Variants in NACC1 observed in about 807,000 individuals in gnomAD.
NACC1 encodes the protein nucleus accumbens-associated protein 1.
NACC1 carries 6 observed loss-of-function variants against 41.7 expected under a neutral mutation model. The ratio of observed to expected loss-of-function variants is 0.14; its 90% CI spans 0.08 to 0.28. The LOEUF (loss-of-function observed/expected upper bound fraction) is 0.28. NACC1 is among the 10% of genes least tolerant of loss of function. NACC1 has a pLI of 1.00. For missense variants in NACC1, 434 were observed against 763.7 expected (o/e 0.57, Z 5.09); for synonymous variants, 338 against 330.6 (o/e 1.02, Z -0.24).
chr19:13,137,470 GC>G lies in NACC1; in HGVS notation c.1227-3del, dbSNP rs1220767348. On this transcript the variant is annotated splice_polypyrimidine_tract_variant and splice_region_variant and intron_variant, in intron 4 of 5. Coordinates refer to ENST00000292431, the MANE Select transcript of NACC1 (RefSeq NM_052876.4). This position sits in a 1 kb window ranked among gnomAD's most constrained non-coding sequence, Gnocchi z 6.1. Reference sequence around the variant, plus strand: ...AGCGCTGACTCCCTCCATGTCCCCTGCCCCCAGGAACACGCTGGCCAACAGC... The same window carrying G: ...AGCGCTGACTCCCTCCATGTCCCCTGCCCCAGGAACACGCTGGCCAACAGC... 6.2e-7 allele frequency: 1 copy of G among 1,607,776 alleles called. No individual in the cohort carries two copies. Among genetic ancestry groups the G allele is most frequent in the East Asian group, 2.3e-5 (1 of 44,172 alleles).
chr19:13,118,978 G>C (rs1037121628), intron 1 of NACC1, among the ~76,000 whole-genome samples: 2 of 151,812 alleles, frequency 1.3e-5, no homozygotes, highest in African/African-American at 4.8e-5. Flanking sequence ...AGGAAGTGGG[G>C]CACGGCGGGT....
At chr19:13,119,056 G>T (rs544885103) in intron 1 of NACC1, among the ~76,000 whole-genome samples, 59 of 150,020 alleles carry the variant, frequency 3.9e-4, no homozygotes, top group Non-Finnish European at 7.9e-4. Flanking sequence ...GGTCACATGA[G>T]GTCAGGACTC....
rs189467165 is a variant in NACC1 at position 13,130,592 on chromosome 19, G to A, written c.-8-4608G>A. 7.6e-3 allele frequency among the ~76,000 whole-genome samples: 1,090 copies of A among 143,666 alleles called. 5 individuals carry two copies. Among genetic ancestry groups the A allele is most frequent in the Non-Finnish European group, 0.012 (801 of 66,892 alleles). The allele number at this position is 143,666 out of a possible 152,430, so 94.3% of individuals were successfully genotyped here. ...ACTCTGTTGCCCAGGCTGGAGTGTA[G>A]TGACTCGATCTCAGCTCACTGCAAC... On this transcript the variant is annotated intron_variant, in intron 1 of 5. Transcript: ENST00000292431.
At chr19:13,127,371 C>A (rs1053576004) in intron 1 of NACC1, among the ~76,000 whole-genome samples, 3 of 28,510 alleles carry the variant, frequency 1.1e-4, no homozygotes, top group East Asian at 2.0e-3. Flanking sequence ...TATACATATA[C>A]TTTTTTTTTT....
chr19:13,130,529 TC>T (rs1367320915), intron 1 of NACC1, among the ~76,000 whole-genome samples: 1 of 144,096 alleles, frequency 6.9e-6, no homozygotes, highest in African/African-American at 2.8e-5. Flanking sequence ...ACCTCTTTTT[TC>T]TTTTCTTTTT....
At position 13,131,016 on chromosome 19, in the gene NACC1, C is replaced by T. The variant is rs535563120; in HGVS notation, c.-8-4184C>T. Among the ~76,000 whole-genome samples the T allele has an allele frequency of 3.1e-4, 47 of 152,256 alleles. No individual in the cohort carries two copies. The East Asian group carries it at 7.9e-3, about 26-fold the overall frequency. On this transcript the variant is annotated intron_variant, in intron 1 of 5. Coordinates refer to ENST00000292431, the MANE Select transcript of NACC1 (RefSeq NM_052876.4). Reference sequence around the variant, plus strand: ...CTGGACCACACCTGATACCTTCCCGCCCAGAAGTGTTATCTCTGTCCTGGC... The same window carrying T: ...CTGGACCACACCTGATACCTTCCCGTCCAGAAGTGTTATCTCTGTCCTGGC...
chr19:13,129,156 C>G (rs541372223), intron 1 of NACC1, among the ~76,000 whole-genome samples: 5 of 152,272 alleles, frequency 3.3e-5, no homozygotes, highest in Admixed American at 2.6e-4. Context: ...GGGTGCACAG[C>G]TTGGGCAAAG....
At position 13,136,261 on chromosome 19, in the gene NACC1, G is replaced by A. The variant is rs759122043; in HGVS notation, c.976G>A (p.Val326Ile). ...GAAGGTGGAGGCCCTCCCGGAGCAG[G>A]TAGCCCCCGAGTCCCGAAATCGCAT... is the stretch of plus-strand genomic sequence containing the variant. ...AEKVEALPEQ[V>I]APESRNRIRV... The change falls in exon 3 of 6, where the codon GTA becomes ATA. Residue 326 changes from valine to isoleucine, a missense_variant. Transcript: ENST00000292431. The surrounding 1 kb of genome is among the most constrained non-coding windows in gnomAD (Gnocchi z 5.5). 2.0e-5 allele frequency: 32 copies of A among 1,613,852 alleles called. No individual in the cohort carries two copies. The highest frequency in any genetic ancestry group is 2.5e-5 in the Non-Finnish European group (30 of 1,179,852).
rs1311564645 is a variant in NACC1, at chr19:13,135,766, G to A, written c.559G>A (p.Asp187Asn). 2 of 1,560,494 alleles carry A rather than the reference G, an allele frequency of 1.3e-6. No homozygotes were observed. Among genetic ancestry groups the A allele is most frequent in the Non-Finnish European group, 1.7e-6 (2 of 1,153,896 alleles). The part of the protein sequence containing the change: ...QCMPVAKRLW[D>N]SGQKEAGGGG... ...CATGCCCGTGGCCAAGCGGCTGTGG[G>A]ACAGTGGCCAGAAGGAGGCTGGGGG... Residue 187 changes from aspartate (D) to asparagine (N), a missense_variant, in exon 2 of 6, where the codon GAC (aspartate) becomes AAC (asparagine). By Grantham distance (23) the Asp-to-Asn change is conservative (BLOSUM62 1). This residue lies in a region of NACC1 where 234 missense variants were observed against 308.3 expected (regional missense o/e 0.76). Coordinates refer to ENST00000292431, the MANE Select transcript of NACC1 (RefSeq NM_052876.4).
intron 1 of NACC1, among the ~76,000 whole-genome samples, chr19:13,125,196 C>G (rs1332167556): frequency 6.6e-6 from 1 of 152,118 alleles, no homozygotes; most frequent in African/African-American, 2.4e-5. Context: ...TGATAAACAA[C>G]AGAGATGAGC....
intron 1 of NACC1, among the ~76,000 whole-genome samples, chr19:13,121,913 T>G (rs998336712): frequency 2.0e-5 from 3 of 152,206 alleles, no homozygotes; most frequent in South Asian, 4.1e-4. Context: ...TAGTCCTTCC[T>G]TCACACAAGC....
rs571090478 is a variant in NACC1 at position 13,126,096 on chromosome 19, T to C, written c.-9+7642T>C. Among the ~76,000 whole-genome samples the C allele has an allele frequency of 1.1e-4, 16 of 149,384 alleles. No individual in the cohort carries two copies. The South Asian group carries it at 3.4e-3, about 32-fold the overall frequency. On this transcript the variant is annotated intron_variant, in intron 1 of 5. Coordinates refer to ENST00000292431, the MANE Select transcript of NACC1 (RefSeq NM_052876.4). ...GTCTTGCTCTGTCACCAGGCTGGAG[T>C]GCATTGGCCCGATCTCGGCTCACCG...
At chr19:13,121,745 C>T (rs1240363410) in intron 1 of NACC1, among the ~76,000 whole-genome samples, 2 of 152,144 alleles carry the variant, frequency 1.3e-5, no homozygotes, top group Non-Finnish European at 1.5e-5. Flanking sequence ...AAACATGAGT[C>T]AGTGTTCATG....
At chr19:13,118,544 A>G (rs2019436974) in intron 1 of NACC1, 90 bp downstream of exon 1, 1 of 150,778 alleles carries the variant, frequency 6.6e-6, no homozygotes, top group Admixed American at 6.6e-5. Flanking sequence ...GCTTTCTCGG[A>G]CCGAGGAGGA....
intron 1 of NACC1, among the ~76,000 whole-genome samples, chr19:13,127,097 A>AT (rs1191192157): frequency 4.0e-5 from 6 of 150,978 alleles, no homozygotes; most frequent in South Asian, 2.1e-4. Context: ...CAAATAAATA[A>AT]TTTTTTTTTA....
At chr19:13,119,010 G>C (rs183937674) in intron 1 of NACC1, among the ~76,000 whole-genome samples, 1 of 151,596 alleles carries the variant, frequency 6.6e-6, no homozygotes, top group Non-Finnish European at 1.5e-5. Context: ...TACTTCGTGT[G>C]GGGGCGGATA....
In NACC1 at chr19:13,135,375, G is replaced by A; in HGVS notation, c.168G>A (p.Arg56=). The stretch of plus-strand genomic sequence containing the variant: ...TTGCTGCCAGCAGCTCCTACTTCCG[G>A]GACCTGTTCAACAACAGCCGCAGCG... ...AVLAASSSYF[R]DLFNNSRSAV... The change falls in exon 2 of 6, where the codon CGG becomes CGA. Residue 56 remains arginine, a synonymous_variant. Coordinates refer to ENST00000292431, the MANE Select transcript of NACC1 (RefSeq NM_052876.4). The A allele has an allele frequency of 1.2e-6, 2 of 1,613,648 alleles. No homozygotes were observed. Among genetic ancestry groups the A allele is most frequent in the Non-Finnish European group, 1.7e-6 (2 of 1,180,036 alleles).
At chr19:13,119,583 ATATT>A (rs1424404891) in intron 1 of NACC1, among the ~76,000 whole-genome samples, 1 of 152,128 alleles carries the variant, frequency 6.6e-6, no homozygotes, top group African/African-American at 2.4e-5. Flanking sequence ...ACCATCGTAT[ATATT>A]AGTACCATGG....
At chr19:13,122,702 G>A (rs886609589) in intron 1 of NACC1, among the ~76,000 whole-genome samples, 1 of 152,184 alleles carries the variant, frequency 6.6e-6, no homozygotes, top group Admixed American at 6.5e-5. Context: ...GTTGGCGTCT[G>A]GGGTGTGAGT....
Sources: allele counts gnomAD v4.1 joint callset (sites outside exome capture counted in the v4.1 genomes callset), GRCh38; gene constraint gnomAD v4.1.1; regional missense constraint gnomAD v4.1.1; non-coding constraint Gnocchi (gnomAD v3.1); transcripts MANE v1.5; gene names NCBI Gene and HGNC (gene_info 2026-07-23, HGNC 2026-07-21).